The following SLC19A1 variants were observed in gnomAD, a reference collection of about 807,000 sequenced individuals.
SLC19A1 encodes the protein solute carrier family 19 member 1, also known as reduced folate transporter.
A neutral mutation model predicts 35.3 loss-of-function variants in SLC19A1; 37 were observed. That is an observed-to-expected ratio of 1.05 (90% CI 0.81 to 1.38). SLC19A1 has a LOEUF of 1.38. SLC19A1 is among the 40% of genes most tolerant of loss of function. The pLI is 0.00. For missense variants in SLC19A1, 831 were observed against 826.9 expected (o/e 1.00, Z -0.06); for synonymous variants, 460 against 398.5 (o/e 1.15, Z -1.84).
intron 2 of SLC19A1, among the ~76,000 whole-genome samples, chr21:45,537,457 G>A (rs930434886): frequency 2.0e-5 from 3 of 149,248 alleles, no homozygotes; most frequent in Non-Finnish European, 4.4e-5. Context: ...TATTCCAGAA[G>A]CTGCTCCCCG....
Position 45,540,174 on chromosome 21 carries a change from C to G in SLC19A1, c.-49-2166G>C, listed in dbSNP as rs1206121235. Among the ~76,000 whole-genome samples, 1 of 152,200 alleles carries G rather than the reference C, an allele frequency of 6.6e-6. No homozygotes were observed. The highest frequency in any genetic ancestry group is 2.4e-5 in the African/African-American group (1 of 41,448). On this transcript the variant is annotated intron_variant, in intron 1 of 5. Coordinates refer to ENST00000311124, the MANE Select transcript of SLC19A1 (RefSeq NM_194255.4). This position sits in a 1 kb window ranked among gnomAD's most constrained non-coding sequence, Gnocchi z 5.5. ...GCCACGGGTAGAGCTGGACATACCT[C>G]AGACCGCACCCACTCCTCCCCACTG...
downstream of SLC19A1, chr21:45,509,587 G>A (rs1193206994): frequency 4.2e-5 from 63 of 1,511,088 alleles, no homozygotes; most frequent in Non-Finnish European, 5.3e-5. Flanking sequence ...CAGCCACCGC[G>A]ACTTCCAGCC....
Position 45,515,776 on chromosome 21 carries a change from G to A in SLC19A1, c.1658C>T (p.Ala553Val). Residue 553 changes from alanine to valine, a missense_variant, in exon 6 of 6, where the codon GCC (alanine) becomes GTC (valine). Coordinates refer to ENST00000311124, the MANE Select transcript of SLC19A1 (RefSeq NM_194255.4). ...CTCATCTGCAGCCTCAGGGCCTGAG[G>A]CTTGGGCGGAGCACAGAGTGCAGGG... is the stretch of plus-strand genomic sequence containing the variant. ...PSPCTLCSAQ[A>V]SGPEAADETC... 6.2e-7 allele frequency: 1 copy of A among 1,613,780 alleles called. No individual in the cohort carries two copies.
At chr21:45,509,428 C>A, downstream of SLC19A1, 1 of 1,533,690 alleles carries the variant, frequency 6.5e-7, no homozygotes, top group Admixed American at 2.0e-5. Flanking sequence ...GCGGCGGGAG[C>A]ACCCCCACCC....
At chr21:45,503,889 G>T in intron 3 of SLC19A1, 1 of 936,062 alleles carries the variant, frequency 1.1e-6, no homozygotes, top group Non-Finnish European at 1.7e-6. Context: ...TTAAATACGC[G>T]ATCTCTACCG....
rs1246997072 is a variant in SLC19A1 at position 45,530,327 on chromosome 21, G to A, written c.1151+443C>T. 6.9e-6 allele frequency among the ~76,000 whole-genome samples: 1 copy of A among 145,026 alleles called. No individual in the cohort carries two copies. The highest frequency in any genetic ancestry group is 6.9e-5 in the Admixed American group (1 of 14,412). ...TGGTATGTGTTCATGAGTGTGTGGT[G>A]AGTGTCCATCTGTGCGCATGTGGTG... On this transcript the variant is annotated intron_variant, in intron 4 of 5. Coordinates refer to ENST00000311124, the MANE Select transcript of SLC19A1 (RefSeq NM_194255.4). The surrounding 1 kb of genome is among the most constrained non-coding windows in gnomAD (Gnocchi z 5.3).
At chr21:45,516,581 A>G (rs930649078) in intron 5 of SLC19A1, among the ~76,000 whole-genome samples, 6 of 152,202 alleles carry the variant, frequency 3.9e-5, no homozygotes, top group Non-Finnish European at 7.4e-5. Context: ...TCGCGCCCAG[A>G]GCAACCCCCA....
chr21:45,543,158 G>C (rs2078364010), upstream of SLC19A1, among the ~76,000 whole-genome samples: 1 of 152,206 alleles, frequency 6.6e-6, no homozygotes, highest in Non-Finnish European at 1.5e-5. Flanking sequence ...CCTCGCAGAC[G>C]GCAGCGCAGT....
upstream of SLC19A1, among the ~76,000 whole-genome samples, chr21:45,549,057 G>A (rs1345888745): frequency 6.6e-6 from 1 of 152,180 alleles, no homozygotes; most frequent in Non-Finnish European, 1.5e-5. Flanking sequence ...AGATGTGAAT[G>A]CATGATCCCA....
At chr21:45,545,373 C>A (rs1272954959), upstream of SLC19A1, among the ~76,000 whole-genome samples, 2 of 150,224 alleles carry the variant, frequency 1.3e-5, no homozygotes, top group African/African-American at 5.0e-5. Context: ...GAGTCCGGGA[C>A]CCCCCCCTTG....
downstream of SLC19A1, among the ~76,000 whole-genome samples, chr21:45,511,525 A>ATGTAAGCAG (rs1238244941): frequency 2.0e-5 from 3 of 152,102 alleles, no homozygotes; most frequent in Non-Finnish European, 4.4e-5. Context: ...GTGGTCAGCC[A>ATGTAAGCAG]TGTAAGCAGC....
At chr21:45,549,387 G>A (rs1202748973), upstream of SLC19A1, among the ~76,000 whole-genome samples, 1 of 151,880 alleles carries the variant, frequency 6.6e-6, no homozygotes, top group Non-Finnish European at 1.5e-5. Context: ...TAATGGTTGT[G>A]TTCATCTGTC....
chr21:45,556,226 G>A (rs1015579435), intron 1 of SLC19A1, among the ~76,000 whole-genome samples: 1 of 151,910 alleles, frequency 6.6e-6, no homozygotes, highest in African/African-American at 2.4e-5. Context: ...CCTGCGGCCC[G>A]GGGAGACCTG....
At position 45,533,282 on chromosome 21, in the gene SLC19A1, TGGAGC is replaced by T. The variant is rs2077996246; in HGVS notation, c.190-1139_190-1135del. Among the ~76,000 whole-genome samples, 3 of 36,256 alleles carry T rather than the reference TGGAGC, an allele frequency of 8.3e-5. No individual in the cohort carries two copies. Among genetic ancestry groups the T allele is most frequent in the Non-Finnish European group, 2.5e-4 (3 of 12,076 alleles). 23.8% of individuals were successfully genotyped at this position (36,256 alleles called of 152,430 possible). A position where few individuals can be genotyped will look rare whatever the true frequency, so the allele number is the denominator to read the frequency against. Reference sequence around the variant, plus strand: ...CACACATCCACCTTCCATGGGAACGTGGAGCTGGGCACGGGGCTGGGGGTGCTACC... The same window carrying T: ...CACACATCCACCTTCCATGGGAACGTTGGGCACGGGGCTGGGGGTGCTACC... On this transcript the variant is annotated intron_variant, in intron 2 of 5. Coordinates refer to ENST00000311124, the MANE Select transcript of SLC19A1 (RefSeq NM_194255.4). This position sits in a 1 kb window ranked among gnomAD's most constrained non-coding sequence, Gnocchi z 4.5.
intron 1 of SLC19A1, among the ~76,000 whole-genome samples, chr21:45,556,893 G>A (rs1259866019): frequency 1.3e-5 from 2 of 150,986 alleles, no homozygotes; most frequent in East Asian, 3.8e-4. Flanking sequence ...CTCCTGGGAC[G>A]GCGACTCAGA....
upstream of SLC19A1, among the ~76,000 whole-genome samples, chr21:45,546,878 G>C (rs1437837739): frequency 6.6e-6 from 1 of 152,172 alleles, no homozygotes; most frequent in Non-Finnish European, 1.5e-5. Flanking sequence ...ATGCATCTTG[G>C]TTGCAAGCAA....
intron 5 of SLC19A1, among the ~76,000 whole-genome samples, chr21:45,525,560 G>A (rs939166104): frequency 6.6e-6 from 1 of 152,340 alleles, no homozygotes; most frequent in African/African-American, 2.4e-5. Context: ...CAGCTCCGCC[G>A]TGGCGAGCAG....
chr21:45,504,463 G>T (rs775685523), intron 3 of SLC19A1: 6 of 1,610,580 alleles, frequency 3.7e-6, no homozygotes, highest in South Asian at 1.1e-5. Context: ...GCGAAAGGGG[G>T]GAGCCCGGGG....
chr21:45,533,046 G>T lies in SLC19A1; in HGVS notation c.190-898C>A, dbSNP rs1181272469. 6.6e-6 allele frequency among the ~76,000 whole-genome samples: 1 copy of T among 152,212 alleles called. No homozygotes were observed. The highest frequency in any genetic ancestry group is 1.5e-5 in the Non-Finnish European group (1 of 68,030). ...ATCTCACACTTGTCCCCAGAGCAAG[G>T]TCTTTAAGGCCAGACTCCAACCCAG... On this transcript the variant is annotated intron_variant, in intron 2 of 5. Coordinates refer to ENST00000311124, the MANE Select transcript of SLC19A1 (RefSeq NM_194255.4). The surrounding 1 kb of genome is among the most constrained non-coding windows in gnomAD (Gnocchi z 4.5).
Sources: allele counts gnomAD v4.1 joint callset (sites outside exome capture counted in the v4.1 genomes callset), GRCh38; gene constraint gnomAD v4.1.1; non-coding constraint Gnocchi (gnomAD v3.1); transcripts MANE v1.5; gene names NCBI Gene and HGNC (gene_info 2026-07-23, HGNC 2026-07-21).